The following RSF1 variants were observed in gnomAD, a reference collection of about 807,000 sequenced individuals.
RSF1 encodes HBV pX-associated protein 8.
RSF1 carries 13 observed loss-of-function variants against 145.2 expected under a neutral mutation model. The ratio of observed to expected loss-of-function variants is 0.09; its 90% CI spans 0.06 to 0.14. The LOEUF (loss-of-function observed/expected upper bound fraction) is 0.14. RSF1 is among the 10% of genes least tolerant of loss of function. RSF1 has a pLI of 1.00. For synonymous variants in RSF1, 577 were observed against 592.6 expected (o/e 0.97, Z 0.38); for missense variants, 1,517 against 1,718.2 (o/e 0.88, Z 2.07).
intron 1 of RSF1, among the ~76,000 whole-genome samples, chr11:77,789,996 A>G (rs1164872619): frequency 6.6e-6 from 1 of 152,126 alleles, no homozygotes; most frequent in East Asian, 1.9e-4. Flanking sequence ...CGCCAACACC[A>G]GTACACACTG....
At chr11:77,832,867 C>T in the RSF1 span, among the ~76,000 whole-genome samples, 3 of 151,168 alleles carry the variant, frequency 2.0e-5, no homozygotes, top group South Asian at 2.1e-4. Context: ...TTGTGAAAGA[C>T]AGTTTTTCCA....
rs1959229888 is a variant in RSF1 at position 77,661,327 on chromosome 11, C to T, written c.*5590G>A. Reference sequence around the variant, plus strand: ...ACACCAGACTAACATTGAGAATACCCTAGTTAGGCATCACAAAAATCATGT... The same window carrying T: ...ACACCAGACTAACATTGAGAATACCTTAGTTAGGCATCACAAAAATCATGT... On this transcript the variant is annotated 3_prime_UTR_variant, in exon 16 of 16. Transcript: ENST00000308488. The T allele has an allele frequency of 6.6e-6, 1 of 152,064 alleles. No homozygotes were observed. The highest frequency in any genetic ancestry group is 6.6e-5 in the Admixed American group (1 of 15,250). 9.4% of individuals were successfully genotyped at this position (152,064 alleles called of 1,614,324 possible).
chr11:77,817,003 T>C (rs943963850), intron 1 of RSF1, among the ~76,000 whole-genome samples: 1 of 152,226 alleles, frequency 6.6e-6, no homozygotes, highest in African/African-American at 2.4e-5. Flanking sequence ...GAAATCTCTC[T>C]CTGTAGCTTG....
At chr11:77,813,646 C>G in intron 1 of RSF1, 1 of 581,714 alleles carries the variant, frequency 1.7e-6, no homozygotes, top group Non-Finnish European at 3.2e-6. Flanking sequence ...TCCAGCTCCA[C>G]GCGTGTTTTT....
chr11:77,774,680 A>T (rs1948323333), intron 1 of RSF1, among the ~76,000 whole-genome samples: 1 of 151,284 alleles, frequency 6.6e-6, no homozygotes. Flanking sequence ...TAATCCCAGT[A>T]CTTTGGAAGG....
At chr11:77,748,412 A>G (rs146193798) in intron 2 of RSF1, among the ~76,000 whole-genome samples, 2 of 151,886 alleles carry the variant, frequency 1.3e-5, no homozygotes, top group East Asian at 3.9e-4. Context: ...TTTTGTAGAG[A>G]CGGGGTTTCT....
At position 77,678,244 on chromosome 11, in the gene RSF1, GT is replaced by G. The variant is rs1959765733; in HGVS notation, c.3066-92del. On this transcript the variant is annotated intron_variant, in intron 11 of 15. Transcript: ENST00000308488. ...TTTATTTATTTATTTTTGAGACGGA[GT>G]CTCTCTTTGTTGCCAGGCTGGAGTG... 5 of 701,454 alleles carry G rather than the reference GT, an allele frequency of 7.1e-6. No individual in the cohort carries two copies. In the Admixed American group the frequency reaches 2.0e-4, roughly 28 times the overall value. The allele number at this position is 701,454 out of a possible 1,614,324, so 43.5% of individuals were successfully genotyped here.
chr11:77,821,170 G>C, upstream of RSF1: 1 of 374,118 alleles, frequency 2.7e-6, no homozygotes, highest in East Asian at 4.2e-5. Context: ...TCCCGAAGCA[G>C]CGCTGGGAGC....
At chr11:77,800,456 C>A (rs2135977015) in intron 1 of RSF1, among the ~76,000 whole-genome samples, 1 of 152,158 alleles carries the variant, frequency 6.6e-6, no homozygotes, top group African/African-American at 2.4e-5. Flanking sequence ...CACACCACTG[C>A]ACTGCAGCCT....
At chr11:77,847,544 G>A in the RSF1 span, among the ~76,000 whole-genome samples, 1 of 152,296 alleles carries the variant, frequency 6.6e-6, no homozygotes, top group African/African-American at 2.4e-5. Flanking sequence ...AAAAAGAATA[G>A]GAGGGCATGG....
At chr11:77,857,606 T>A in the RSF1 span, among the ~76,000 whole-genome samples, 1 of 152,156 alleles carries the variant, frequency 6.6e-6, no homozygotes, top group Non-Finnish European at 1.5e-5. Flanking sequence ...TTACTTTAAG[T>A]TCTCGGATAC....
intron 1 of RSF1, among the ~76,000 whole-genome samples, chr11:77,789,688 T>C (rs764914418): frequency 7.9e-5 from 12 of 152,154 alleles, no homozygotes; most frequent in Non-Finnish European, 1.6e-4. Context: ...CCAAGTCAAT[T>C]ACTCTGCCCA....
At chr11:77,697,125 A>G (rs1960295407) in intron 7 of RSF1, among the ~76,000 whole-genome samples, 1 of 152,144 alleles carries the variant, frequency 6.6e-6, no homozygotes, top group African/African-American at 2.4e-5. Flanking sequence ...GCTCCTGATA[A>G]GTAGTATCCT....
At chr11:77,728,863 T>C (rs1161732639) in intron 4 of RSF1, among the ~76,000 whole-genome samples, 3 of 142,894 alleles carry the variant, frequency 2.1e-5, no homozygotes, top group African/African-American at 8.3e-5. Context: ...GATGCATAAC[T>C]TGTAAAAAAA....
intron 5 of RSF1, among the ~76,000 whole-genome samples, chr11:77,715,216 C>T (rs1363756195): frequency 6.7e-6 from 1 of 149,014 alleles, no homozygotes; most frequent in Non-Finnish European, 1.5e-5. Context: ...TAGTCTGTAT[C>T]CTATTGTTTA....
intron 7 of RSF1, among the ~76,000 whole-genome samples, chr11:77,697,846 A>C (rs1960319976): frequency 6.6e-6 from 1 of 152,072 alleles, no homozygotes; most frequent in Non-Finnish European, 1.5e-5. Context: ...TTGTTTTAGA[A>C]ACATTCCAAT....
chr11:77,668,315 T>C (rs1313240691), intron 15 of RSF1, among the ~76,000 whole-genome samples: 2 of 152,266 alleles, frequency 1.3e-5, no homozygotes, highest in African/African-American at 4.8e-5. Flanking sequence ...AGCAGATTTC[T>C]TGGGGGAAGA....
the RSF1 span, among the ~76,000 whole-genome samples, chr11:77,858,493 T>G: frequency 6.6e-6 from 1 of 152,146 alleles, no homozygotes; most frequent in South Asian, 2.1e-4. Flanking sequence ...TAACGAGCTC[T>G]CTTTGCTACC....
At chr11:77,871,850 G>T in the RSF1 span, among the ~76,000 whole-genome samples, 8 of 152,194 alleles carry the variant, frequency 5.3e-5, no homozygotes, top group African/African-American at 1.9e-4. Context: ...TTACAGACAT[G>T]AAAACAAAGA....
Sources: gnomAD v4.1 joint callset for allele counts (sites outside exome capture counted in the v4.1 genomes callset) on GRCh38, gnomAD v4.1.1 for gene constraint, MANE v1.5 for transcripts, NCBI Gene and HGNC (gene_info 2026-07-23, HGNC 2026-07-21) for gene names.